GPHN: variants seen among roughly 807,000 people sequenced by gnomAD.
The protein encoded by GPHN is gephyrin.
GPHN carries 17 observed loss-of-function variants against 95.5 expected under a neutral mutation model. The observed-to-expected ratio is 0.18, with a 90% CI of 0.12 to 0.27. The LOEUF (loss-of-function observed/expected upper bound fraction) is 0.27, where lower values mean the gene tolerates loss of function less well. Among genes scored for constraint, GPHN ranks in the 10% least tolerant of loss-of-function variants. GPHN has a pLI of 1.00. For missense variants in GPHN, 660 were observed against 978.1 expected, an observed-to-expected ratio of 0.67 and a Z score of 4.34; for synonymous variants, 320 against 322.5, an observed-to-expected ratio of 0.99 and a Z score of 0.08.
chr14:66,988,570 G>A (rs1294129698), intron 9 of GPHN, among the ~76,000 whole-genome samples: 2 of 151,982 alleles, frequency 1.3e-5, no homozygotes, highest in Non-Finnish European at 2.9e-5. Context: ...TTAAAAATAA[G>A]AAAATTAGCA....
At chr14:67,176,142 C>G (rs2082933440) in intron 21 of GPHN, among the ~76,000 whole-genome samples, 1 of 152,152 alleles carries the variant, frequency 6.6e-6, no homozygotes, top group Non-Finnish European at 1.5e-5. Context: ...AGAGGGCATC[C>G]TTGTCTTGCA....
chr14:66,713,544 A>G (rs2069872048), intron 2 of GPHN, among the ~76,000 whole-genome samples: 1 of 152,028 alleles, frequency 6.6e-6, no homozygotes, highest in Non-Finnish European at 1.5e-5. Context: ...GCCTTATAGT[A>G]TAGTTTCAAA....
the GPHN span, chr14:67,652,504 C>CT: frequency 1.2e-5 from 2 of 166,276 alleles, no homozygotes; most frequent in Non-Finnish European, 1.3e-5. Flanking sequence ...GAATTCCATT[C>CT]TTCTCCTGAA....
intron 4 of GPHN, among the ~76,000 whole-genome samples, chr14:66,826,898 C>T (rs187753140): frequency 6.6e-6 from 1 of 152,244 alleles, no homozygotes; most frequent in Admixed American, 6.5e-5. Flanking sequence ...CTCATAATAA[C>T]TTAGTCTTTC....
the GPHN span, among the ~76,000 whole-genome samples, chr14:67,328,286 A>G: frequency 1.3e-5 from 2 of 152,202 alleles, no homozygotes; most frequent in African/African-American, 4.8e-5. Context: ...TCTTCTTTTG[A>G]GAAGTGTCTG....
chr14:67,469,646 CTGGTGGTGGTGG>C, the GPHN span, among the ~76,000 whole-genome samples: 5 of 150,092 alleles, frequency 3.3e-5, no homozygotes, highest in East Asian at 3.9e-4. Flanking sequence ...GGGCAGCGGC[CTGGTGGTGGTGG>C]TGGTGGTGGT....
chr14:67,576,469 C>A, the GPHN span: 1 of 1,602,324 alleles, frequency 6.2e-7, no homozygotes, highest in South Asian at 1.1e-5. The surrounding 1 kb of genome is among the most constrained non-coding windows in gnomAD (Gnocchi z 4.0). Context: ...ATGAGCAGCT[C>A]ATTGGAAAAC....
At chr14:67,159,130 T>A (rs760582248) in intron 18 of GPHN, among the ~76,000 whole-genome samples, 12 of 152,218 alleles carry the variant, frequency 7.9e-5, no homozygotes, top group Admixed American at 1.3e-4. Context: ...CCTACTAGAA[T>A]GTACTTTCTG....
At chr14:67,050,319 C>T (rs905392915) in intron 10 of GPHN, among the ~76,000 whole-genome samples, 1 of 152,164 alleles carries the variant, frequency 6.6e-6, no homozygotes, top group African/African-American at 2.4e-5. Context: ...AGTAAAATGA[C>T]AGCAGAAAGC....
intron 9 of GPHN, among the ~76,000 whole-genome samples, chr14:67,015,698 G>A (rs2073268326): frequency 6.6e-6 from 1 of 151,390 alleles, no homozygotes; most frequent in South Asian, 2.1e-4. Flanking sequence ...TCCATTTCGG[G>A]GAAAAAAAAT....
At chr14:67,345,695 C>T in the GPHN span, 40 of 993,846 alleles carry the variant, frequency 4.0e-5, no homozygotes, top group East Asian at 8.2e-4. Flanking sequence ...TATGCTGACT[C>T]AAGACCTGAC....
chr14:67,705,213 G>C, the GPHN span, among the ~76,000 whole-genome samples: 1 of 152,198 alleles, frequency 6.6e-6, no homozygotes, highest in Non-Finnish European at 1.5e-5. Flanking sequence ...CTTCATACTG[G>C]AGTTGTCCTT....
chr14:67,346,419 C>T, the GPHN span, among the ~76,000 whole-genome samples: 2 of 152,206 alleles, frequency 1.3e-5, no homozygotes, highest in Non-Finnish European at 1.5e-5. Context: ...TCAAGCAATC[C>T]TCCCACCTCG....
chr14:67,620,029 A>G, the GPHN span: 1 of 1,612,262 alleles, frequency 6.2e-7, no homozygotes, highest in South Asian at 1.1e-5. Context: ...AGTGCATTCC[A>G]TCCTGAAGAA....
the GPHN span, among the ~76,000 whole-genome samples, chr14:67,395,014 A>G: frequency 1.3e-5 from 2 of 152,150 alleles, no homozygotes; most frequent in African/African-American, 4.8e-5. Context: ...CTCTATAATG[A>G]TAAGAAATAA....
intron 1 of GPHN, among the ~76,000 whole-genome samples, chr14:66,530,371 A>G (rs949902668): frequency 3.3e-5 from 5 of 152,144 alleles, no homozygotes; most frequent in African/African-American, 1.2e-4. Flanking sequence ...AGTCGATCTT[A>G]GCTTGCTGGG....
At chr14:67,156,922 A>G (rs2081621212) in intron 18 of GPHN, among the ~76,000 whole-genome samples, 1 of 151,794 alleles carries the variant, frequency 6.6e-6, no homozygotes, top group South Asian at 2.1e-4. Context: ...ACGTGAGCCG[A>G]GATCGCGCCA....
At chr14:66,815,939 G>C (rs560445342) in intron 3 of GPHN, among the ~76,000 whole-genome samples, 7 of 151,624 alleles carry the variant, frequency 4.6e-5, no homozygotes, top group Non-Finnish European at 8.8e-5. Flanking sequence ...GGCATACACT[G>C]GTTCAAAAAA....
the GPHN span, chr14:67,651,047 C>CAATTGTAAA: frequency 8.9e-7 from 1 of 1,118,474 alleles, no homozygotes; most frequent in Non-Finnish European, 1.3e-6. Flanking sequence ...CACATTCTCA[C>CAATTGTAAA]AATTGTAAAG....
Sources: allele counts gnomAD v4.1 joint callset (sites outside exome capture counted in the v4.1 genomes callset), GRCh38; gene constraint gnomAD v4.1.1; non-coding constraint Gnocchi (gnomAD v3.1); transcripts MANE v1.5; gene names NCBI Gene and HGNC (gene_info 2026-07-23, HGNC 2026-07-21).